Variants in AGBL3 observed in about 807,000 individuals in gnomAD.
The protein encoded by AGBL3 is AGBL carboxypeptidase 3.
Under a neutral mutation model 94.5 loss-of-function variants are expected in AGBL3, and 68 were observed. That is an observed-to-expected ratio of 0.72 (90% CI 0.59 to 0.88). The LOEUF (loss-of-function observed/expected upper bound fraction) is 0.88, where lower values mean the gene tolerates loss of function less well. AGBL3 is among the 40% of genes least tolerant of loss of function. The probability of loss-of-function intolerance (pLI) is 0.00; values close to 1 mark genes in which losing one functional copy is unlikely to be tolerated. For synonymous variants in AGBL3, 354 were observed against 370.7 expected, an observed-to-expected ratio of 0.95 and a Z score of 0.52; for missense variants, 934 against 1,103.8, an observed-to-expected ratio of 0.85 and a Z score of 2.18.
rs1159567840 is a variant in AGBL3, at chr7:135,017,038, AC to A, written c.311-13del. The A allele has an allele frequency of 7.5e-6, 11 of 1,463,118 alleles. No homozygotes were observed. Among genetic ancestry groups the A allele is most frequent in the Non-Finnish European group, 1.0e-5 (11 of 1,070,966 alleles). The allele number at this position is 1,463,118 out of a possible 1,614,324, so 90.6% of individuals were successfully genotyped here. A position where few individuals can be genotyped will look rare whatever the true frequency, so the allele number is the denominator to read the frequency against. ...TGAAGTCATCTTCAAATAATGTTTC[AC>A]TTTTTTTTCCAGATTGGACTCCTTC... On this transcript the variant is annotated splice_polypyrimidine_tract_variant and intron_variant, in intron 4 of 16. Coordinates refer to ENST00000436302, the MANE Select transcript of AGBL3 (RefSeq NM_178563.4).
At chr7:135,105,751 A>C (rs951121208) in intron 15 of AGBL3, among the ~76,000 whole-genome samples, 1 of 152,130 alleles carries the variant, frequency 6.6e-6, no homozygotes, top group Non-Finnish European at 1.5e-5. Context: ...TGATTTTTAC[A>C]ATAATTTTTT....
chr7:135,096,738 A>ACAAT (rs1228265089), intron 15 of AGBL3, among the ~76,000 whole-genome samples: 2 of 120,086 alleles, frequency 1.7e-5, no homozygotes, highest in Non-Finnish European at 3.5e-5. Flanking sequence ...AGAAAGAGAA[A>ACAAT]GAATGAAAGA....
chr7:135,101,759 C>T (rs1180703428), intron 15 of AGBL3, among the ~76,000 whole-genome samples: 1 of 152,070 alleles, frequency 6.6e-6, no homozygotes, highest in Non-Finnish European at 1.5e-5. Context: ...AAAGATTGGC[C>T]CAGCCTTGAT....
chr7:135,046,704 TTATA>T (rs1372022207), intron 11 of AGBL3, among the ~76,000 whole-genome samples: 5 of 152,102 alleles, frequency 3.3e-5, no homozygotes, highest in African/African-American at 7.2e-5. Context: ...GTACCACAGT[TTATA>T]TATCAGTTTA....
chr7:135,016,942 A>G (rs1286463044), intron 4 of AGBL3, 110 bp from the exon 5 acceptor site: 1 of 729,996 alleles, frequency 1.4e-6, no homozygotes. Context: ...CCCACACAAA[A>G]CACTACATTT....
intron 4 of AGBL3, among the ~76,000 whole-genome samples, chr7:135,002,986 G>A (rs1015227875): frequency 6.6e-6 from 1 of 152,050 alleles, no homozygotes; most frequent in Non-Finnish European, 1.5e-5. Flanking sequence ...TATGTTACAT[G>A]CTATTTTTCT....
intron 5 of AGBL3, among the ~76,000 whole-genome samples, chr7:135,029,839 T>C (rs953184877): frequency 1.3e-5 from 2 of 152,154 alleles, no homozygotes; most frequent in African/African-American, 2.4e-5. Context: ...TGTAGGATTA[T>C]TAATTGGCCT....
chr7:135,100,621 G>A (rs907686198), intron 15 of AGBL3, among the ~76,000 whole-genome samples: 2 of 152,290 alleles, frequency 1.3e-5, no homozygotes, highest in Admixed American at 6.5e-5. Context: ...TCTTGCCCCA[G>A]AAATATAGAA....
intron 5 of AGBL3, among the ~76,000 whole-genome samples, chr7:135,021,792 C>A (rs1376317514): frequency 6.6e-6 from 1 of 151,570 alleles, no homozygotes; most frequent in Non-Finnish European, 1.5e-5. Context: ...TGTACATTAG[C>A]TGTTTGTCCT....
At chr7:135,027,863 A>C (rs529228361) in intron 5 of AGBL3, among the ~76,000 whole-genome samples, 1 of 151,748 alleles carries the variant, frequency 6.6e-6, no homozygotes, top group African/African-American at 2.4e-5. Flanking sequence ...TATTTGTACA[A>C]ATTTTTAAAA....
intron 9 of AGBL3, 91 bp from the exon 10 acceptor site, chr7:135,045,383 T>G: frequency 1.0e-6 from 1 of 987,684 alleles, no homozygotes; most frequent in Non-Finnish European, 1.5e-6. Flanking sequence ...TGGAATCATA[T>G]CAATGTTTTG....
chr7:135,090,673 C>T (rs1821725731), intron 15 of AGBL3, among the ~76,000 whole-genome samples: 1 of 152,142 alleles, frequency 6.6e-6, no homozygotes, highest in African/African-American at 2.4e-5. Flanking sequence ...CAGAGTACTG[C>T]TTTAAGTTAG....
chr7:135,062,676 C>A (rs190515023), intron 12 of AGBL3, among the ~76,000 whole-genome samples: 18 of 152,194 alleles, frequency 1.2e-4, no homozygotes, highest in Admixed American at 1.1e-3. Flanking sequence ...TATCAATTTG[C>A]ATATGTTGAA....
At chr7:135,106,341 G>A (rs1416915701) in intron 15 of AGBL3, among the ~76,000 whole-genome samples, 1 of 152,160 alleles carries the variant, frequency 6.6e-6, no homozygotes, top group Non-Finnish European at 1.5e-5. Context: ...TTTGCCCACA[G>A]TACGATGTTG....
At chr7:135,104,958 T>TTGTGATTGCTTTTGG (rs1824433836) in intron 15 of AGBL3, among the ~76,000 whole-genome samples, 1 of 152,126 alleles carries the variant, frequency 6.6e-6, no homozygotes, top group African/African-American at 2.4e-5. Flanking sequence ...TTTGCTTTTG[T>TTGTGATTGCTTTTGG]TGTGATTGCT....
intron 4 of AGBL3, 106 bp downstream of exon 4, chr7:134,993,784 G>C: frequency 1.1e-6 from 1 of 912,814 alleles, no homozygotes; most frequent in Non-Finnish European, 1.5e-6. Context: ...CATTCCAACA[G>C]AAATATAACA....
chr7:135,056,621 TA>T (rs780536870), intron 11 of AGBL3, among the ~76,000 whole-genome samples: 11 of 150,954 alleles, frequency 7.3e-5, no homozygotes, highest in East Asian at 1.9e-4. Context: ...AATTTAAAAT[TA>T]AAAAAAAATA....
chr7:135,128,581 G>A (rs2117313835), intron 16 of AGBL3: 1 of 771,034 alleles, frequency 1.3e-6, no homozygotes, highest in East Asian at 2.4e-5. Context: ...ATTTCAAGAT[G>A]TTTGTGAGCG....
intron 4 of AGBL3, among the ~76,000 whole-genome samples, chr7:135,014,219 A>C (rs866775945): frequency 1.6e-5 from 2 of 126,062 alleles, no homozygotes; most frequent in South Asian, 2.9e-4. Context: ...AAAAAAAAAA[A>C]AAAAAAAACC....
Sources: gnomAD v4.1 joint callset for allele counts (sites outside exome capture counted in the v4.1 genomes callset) on GRCh38, gnomAD v4.1.1 for gene constraint, MANE v1.5 for transcripts, NCBI Gene and HGNC (gene_info 2026-07-23, HGNC 2026-07-21) for gene names.